The following CBFA2T3 variants were observed in gnomAD, a reference collection of about 807,000 sequenced individuals.
The protein encoded by CBFA2T3 is transcriptional corepressor CBFA2T3.
Under a neutral mutation model 58.6 loss-of-function variants are expected in CBFA2T3, and 31 were observed. The observed-to-expected ratio is 0.53, with a 90% CI of 0.40 to 0.71. CBFA2T3 has a LOEUF of 0.71. Among genes scored for constraint, CBFA2T3 ranks in the 30% least tolerant of loss-of-function variants. The pLI, the probability that CBFA2T3 is intolerant of heterozygous loss-of-function variation, is 0.00. For synonymous variants in CBFA2T3, 531 were observed against 421.9 expected, an observed-to-expected ratio of 1.26 and a Z score of -3.17; for missense variants, 1,076 against 963.1, an observed-to-expected ratio of 1.12 and a Z score of -1.55.
chr16:88,970,840 C>A (rs373161781), intron 1 of CBFA2T3, among the ~76,000 whole-genome samples: 1 of 152,236 alleles, frequency 6.6e-6, no homozygotes, highest in East Asian at 1.9e-4. Flanking sequence ...GCAGCCGACG[C>A]TGGGGGCCGG....
intron 1 of CBFA2T3, chr16:88,951,632 C>A (rs1972075910): frequency 1.9e-5 from 7 of 360,476 alleles, no homozygotes; most frequent in South Asian, 1.5e-4. Flanking sequence ...GCCACGGCCC[C>A]AGGGTGGGCA....
At chr16:88,896,108 G>A (rs1332582499) in intron 3 of CBFA2T3, among the ~76,000 whole-genome samples, 1 of 152,176 alleles carries the variant, frequency 6.6e-6, no homozygotes, top group Non-Finnish European at 1.5e-5. Flanking sequence ...CGGGTGTTGT[G>A]TGAGGCTGTT....
Position 88,885,965 on chromosome 16 carries a change from C to T in CBFA2T3, c.889G>A (p.Asp297Asn), listed in dbSNP as rs767848552. The change falls in exon 6 of 12, where the codon GAC becomes AAC. Residue 297 changes from aspartate to asparagine, a missense_variant. By Grantham distance (23) the Asp-to-Asn change is conservative. Coordinates refer to ENST00000268679, the MANE Select transcript of CBFA2T3 (RefSeq NM_005187.6). This position sits in a 1 kb window ranked among gnomAD's most constrained non-coding sequence, Gnocchi z 5.3. The part of the protein sequence containing the change: ...VNENGKRRTP[D>N]RTKENGSDRD... ...ATCCCCGGAGCCCACAGGTACCTGT[C>T]GGGCGTCCTCCTCTTGCCGTTCTCG... 4.1e-5 allele frequency: 64 copies of T among 1,547,944 alleles called. No homozygotes were observed. Among genetic ancestry groups the T allele is most frequent in the African/African-American group, 6.8e-5 (5 of 73,090 alleles).
intron 1 of CBFA2T3, among the ~76,000 whole-genome samples, chr16:88,975,069 C>G (rs865962747): frequency 1.6e-4 from 20 of 124,530 alleles, no homozygotes; most frequent in Non-Finnish European, 3.2e-4. Context: ...TAAGCAGGGG[C>G]TCCCTGGGGG....
chr16:88,882,572 G>T, intron 8 of CBFA2T3, 104 bp downstream of exon 8: 1 of 407,982 alleles, frequency 2.5e-6, no homozygotes, highest in Non-Finnish European at 4.2e-6. Context: ...GGGCATGGCT[G>T]TGGGCGTGGC....
At chr16:88,881,703 A>T in intron 8 of CBFA2T3, 1 of 544,496 alleles carries the variant, frequency 1.8e-6, no homozygotes. Context: ...CCAGACTCAC[A>T]TGGACACGTG....
chr16:88,905,034 G>A (rs539689094), intron 1 of CBFA2T3, among the ~76,000 whole-genome samples: 2 of 152,222 alleles, frequency 1.3e-5, no homozygotes, highest in South Asian at 4.1e-4. Context: ...CCTCAGAGAA[G>A]ATGAGGGGTG....
At chr16:88,891,390 C>T (rs943803689) in intron 5 of CBFA2T3, among the ~76,000 whole-genome samples, 15 of 152,216 alleles carry the variant, frequency 9.9e-5, no homozygotes, top group Non-Finnish European at 2.1e-4. Context: ...CGGAATACTT[C>T]TCCACCACGT....
At chr16:88,971,491 G>A (rs1972654456) in intron 1 of CBFA2T3, among the ~76,000 whole-genome samples, 1 of 152,218 alleles carries the variant, frequency 6.6e-6, no homozygotes, top group African/African-American at 2.4e-5. Context: ...GGGCAGAGCT[G>A]GGAGAGGAAG....
At chr16:88,947,316 A>G (rs550860513) in intron 1 of CBFA2T3, among the ~76,000 whole-genome samples, 1 of 152,362 alleles carries the variant, frequency 6.6e-6, no homozygotes, top group East Asian at 1.9e-4. Flanking sequence ...ATGACATTTT[A>G]TTTGCCGTTT....
At position 88,912,081 on chromosome 16, in the gene CBFA2T3, C is replaced by T. The variant is rs1047889884; in HGVS notation, c.152-10425G>A. ...GAAAATCTCACAAACTCCCTCCGGG[C>T]CCCGGCCCAGGGCTTCCCGTTGGAA... On this transcript the variant is annotated intron_variant, in intron 1 of 11. Transcript: ENST00000268679. 5.2e-5 allele frequency among the ~76,000 whole-genome samples: 8 copies of T among 152,382 alleles called. No homozygotes were observed. In the South Asian group the frequency reaches 8.3e-4, roughly 16 times the overall value.
chr16:88,895,880 G>A lies in CBFA2T3; in HGVS notation c.379+2198C>T, dbSNP rs974556811. ...CAGACGTGCCCTGTGAGTCAGACTC[G>A]GCGCCTAGCCTCAGTTTCTTCATTT... On this transcript the variant is annotated intron_variant, in intron 3 of 11. Coordinates refer to ENST00000268679, the MANE Select transcript of CBFA2T3 (RefSeq NM_005187.6). Among the ~76,000 whole-genome samples the A allele has an allele frequency of 3.2e-4, 49 of 152,164 alleles. 3 individuals carry two copies. Among genetic ancestry groups the A allele is most frequent in the Admixed American group, 1.3e-4 (2 of 15,282 alleles).
At position 88,875,666 on chromosome 16, in the gene CBFA2T3, T is replaced by G. The variant is rs965148378; in HGVS notation, c.*1310A>C. 8.7e-6 allele frequency: 2 copies of G among 231,014 alleles called. No homozygotes were observed. Among genetic ancestry groups the G allele is most frequent in the African/African-American group, 2.3e-5 (1 of 44,308 alleles). The allele number at this position is 231,014 out of a possible 1,614,324, so 14.3% of individuals were successfully genotyped here. On this transcript the variant is annotated 3_prime_UTR_variant, in exon 12 of 12. Coordinates refer to ENST00000268679, the MANE Select transcript of CBFA2T3 (RefSeq NM_005187.6). ...TCGGAGGGCGCGGAGAGGAGAGAGG[T>G]AGAGGAGGACGGGCTGGCCGAGAAG...
At chr16:88,970,637 T>A (rs1396973931) in intron 1 of CBFA2T3, among the ~76,000 whole-genome samples, 3 of 152,204 alleles carry the variant, frequency 2.0e-5, no homozygotes, top group Non-Finnish European at 4.4e-5. Flanking sequence ...CTGGGAAAAC[T>A]GTGGAGCCAG....
At chr16:88,934,085 G>C (rs1646233) in intron 1 of CBFA2T3, among the ~76,000 whole-genome samples, 1 of 151,838 alleles carries the variant, frequency 6.6e-6, no homozygotes, top group African/African-American at 2.4e-5. Flanking sequence ...ACGTGGCCAC[G>C]AGACAGTCTG....
At position 88,891,767 on chromosome 16, in the gene CBFA2T3, A is replaced by G. The variant is rs541464673; in HGVS notation, c.711+115T>C. The G allele has an allele frequency of 3.0e-5, 21 of 704,102 alleles. No homozygotes were observed. In the East Asian group the frequency reaches 5.2e-4, roughly 17 times the overall value. The allele number at this position is 704,102 out of a possible 1,614,324, so 43.6% of individuals were successfully genotyped here. A position where few individuals can be genotyped will look rare whatever the true frequency, so the allele number is the denominator to read the frequency against. On this transcript the variant is annotated intron_variant, in intron 5 of 11. Coordinates refer to ENST00000268679, the MANE Select transcript of CBFA2T3 (RefSeq NM_005187.6). ...CTCACACCTCTTCATCCACCTGCCT[A>G]TCTGGCCACTTAAGCCCCTTCCCGC...
chr16:88,917,820 G>A (rs1247227300), intron 1 of CBFA2T3, among the ~76,000 whole-genome samples: 1 of 152,228 alleles, frequency 6.6e-6, no homozygotes, highest in African/African-American at 2.4e-5. Flanking sequence ...ACGAGAGTGT[G>A]CGTGAAGACG....
At chr16:88,905,208 C>T (rs1219005936) in intron 1 of CBFA2T3, among the ~76,000 whole-genome samples, 4 of 152,022 alleles carry the variant, frequency 2.6e-5, no homozygotes, top group Non-Finnish European at 4.4e-5. Flanking sequence ...GCGGGCACAT[C>T]GTCTCTCTCC....
intron 1 of CBFA2T3, among the ~76,000 whole-genome samples, chr16:88,946,095 G>A (rs1053781231): frequency 3.7e-4 from 57 of 152,242 alleles, no homozygotes; most frequent in African/African-American, 1.4e-3. Flanking sequence ...ATCACCTGAG[G>A]TCAGGAGTTC....
Sources: gnomAD v4.1 joint callset for allele counts (sites outside exome capture counted in the v4.1 genomes callset) on GRCh38, gnomAD v4.1.1 for gene constraint, Gnocchi (gnomAD v3.1) non-coding constraint, MANE v1.5 for transcripts, NCBI Gene and HGNC (gene_info 2026-07-23, HGNC 2026-07-21) for gene names.